GFRA1: variants seen among roughly 807,000 people sequenced by gnomAD.
GFRA1 encodes the protein GDNF family receptor alpha-1.
GFRA1 carries 16 observed loss-of-function variants against 51.6 expected under a neutral mutation model. The observed-to-expected ratio is 0.31, with a 90% CI of 0.21 to 0.47. The LOEUF is 0.47. Among genes scored for constraint, GFRA1 ranks in the 20% least tolerant of loss-of-function variants. The pLI is 1.00. For missense variants in GFRA1, 530 were observed against 594.3 expected (o/e 0.89, Z 1.13); for synonymous variants, 270 against 241.3 (o/e 1.12, Z -1.10).
rs375878951 is a variant in GFRA1, at chr10:116,270,968, G to T, written c.188C>A (p.Ala63Glu). 1 of 1,614,230 alleles carries T rather than the reference G, an allele frequency of 6.2e-7. No individual in the cohort carries two copies. Among genetic ancestry groups the T allele is most frequent in the Non-Finnish European group, 8.5e-7 (1 of 1,180,052 alleles). ...CTCATCCTTGGCCTCCAGGCCGGAT[G>T]CCAGGCTGAAGTTGGTCTCCTTGCC... ...VAGKETNFSLASGLEAKDECR... is the reference protein window; with the variant it reads ...VAGKETNFSLESGLEAKDECR... The change falls in exon 3 of 11, where the codon GCA becomes GAA. Residue 63 changes from alanine to glutamate, a missense_variant. Coordinates refer to ENST00000355422, the MANE Select transcript of GFRA1 (RefSeq NM_005264.8).
At chr10:116,247,052 T>C (rs1383528034) in intron 4 of GFRA1, among the ~76,000 whole-genome samples, 2 of 152,200 alleles carry the variant, frequency 1.3e-5, no homozygotes, top group African/African-American at 4.8e-5. Context: ...TGTTCAGATT[T>C]ACAAAAAGTA....
intron 2 of GFRA1, among the ~76,000 whole-genome samples, chr10:116,271,318 G>C (rs950641096): frequency 6.6e-6 from 1 of 152,092 alleles, no homozygotes; most frequent in Non-Finnish European, 1.5e-5. Context: ...CTCCTCCCGG[G>C]CCCGCAAGGA....
At chr10:116,148,082 G>GTGTGTGTGCATGCA (rs1555158859) in intron 5 of GFRA1, among the ~76,000 whole-genome samples, 5 of 129,372 alleles carry the variant, frequency 3.9e-5, no homozygotes, top group African/African-American at 8.6e-5. Flanking sequence ...GTGCATGTGT[G>GTGTGTGTGCATGCA]TGTGTGCATG....
intron 5 of GFRA1, among the ~76,000 whole-genome samples, chr10:116,151,696 G>C (rs1441850864): frequency 6.6e-6 from 1 of 152,086 alleles, no homozygotes; most frequent in Non-Finnish European, 1.5e-5. Flanking sequence ...GGAAGCAGGA[G>C]GATACGCACC....
intron 5 of GFRA1, among the ~76,000 whole-genome samples, chr10:116,195,307 T>G (rs2134347878): frequency 6.6e-6 from 1 of 152,326 alleles, no homozygotes; most frequent in Middle Eastern, 3.4e-3. Flanking sequence ...GACTGCTAAT[T>G]CTGTGTCCTT....
chr10:116,059,396 T>G lies in GFRA1; in HGVS notation c.*5002A>C, dbSNP rs991971605. On this transcript the variant is annotated 3_prime_UTR_variant, in exon 11 of 11. Transcript: ENST00000355422. ...GAAGAGAAGAAAATCAGAGAAAACC[T>G]TCTATTGATGCCGGTGCTGGGCTTG... 1.3e-5 allele frequency: 2 copies of G among 152,234 alleles called. No homozygotes were observed. The highest frequency in any genetic ancestry group is 4.8e-5 in the African/African-American group (2 of 41,444). 9.4% of individuals were successfully genotyped at this position (152,234 alleles called of 1,614,324 possible). A position where few individuals can be genotyped will look rare whatever the true frequency, so the allele number is the denominator to read the frequency against.
At chr10:116,267,601 G>A (rs1397287914) in intron 4 of GFRA1, among the ~76,000 whole-genome samples, 2 of 152,124 alleles carry the variant, frequency 1.3e-5, no homozygotes, top group Non-Finnish European at 2.9e-5. Context: ...CCAGGCATCA[G>A]TACAAAGGAG....
upstream of GFRA1, among the ~76,000 whole-genome samples, chr10:116,274,622 C>T (rs1844151813): frequency 6.6e-6 from 1 of 152,076 alleles, no homozygotes; most frequent in African/African-American, 2.4e-5. Context: ...GGGTCTGCGC[C>T]TCGGGGCGCG....
chr10:116,169,310 T>G (rs1315444178), intron 5 of GFRA1, among the ~76,000 whole-genome samples: 1 of 152,262 alleles, frequency 6.6e-6, no homozygotes, highest in East Asian at 1.9e-4. Context: ...CCCCAAAAGC[T>G]GATCCTAATC....
At position 116,260,933 on chromosome 10, in the gene GFRA1, CA is replaced by C. The variant is rs571945367; in HGVS notation, c.418+8569del. ...TTAAAAAAAATCTGAGGGCTTAACG[CA>C]ACAAATAATTTCTCACTTTTCCTTA... On this transcript the variant is annotated intron_variant, in intron 4 of 10. Transcript: ENST00000355422. 1.3e-4 allele frequency among the ~76,000 whole-genome samples: 20 copies of C among 152,184 alleles called. No individual in the cohort carries two copies. The East Asian group carries it at 3.7e-3, about 28-fold the overall frequency.
chr10:116,123,600 C>T (rs1957732800), intron 6 of GFRA1, among the ~76,000 whole-genome samples: 2 of 152,112 alleles, frequency 1.3e-5, no homozygotes, highest in African/African-American at 4.8e-5. Context: ...ATTTTTTCTG[C>T]TCTTGGCTTT....
At chr10:116,185,074 G>T (rs529767982) in intron 5 of GFRA1, among the ~76,000 whole-genome samples, 1 of 152,258 alleles carries the variant, frequency 6.6e-6, no homozygotes, top group South Asian at 2.1e-4. Flanking sequence ...TGTAAGGAGA[G>T]AATCTTGTTC....
chr10:116,158,079 C>T (rs1428313953), intron 5 of GFRA1, among the ~76,000 whole-genome samples: 1 of 152,164 alleles, frequency 6.6e-6, no homozygotes, highest in Non-Finnish European at 1.5e-5. Flanking sequence ...GCTTGTCATT[C>T]CTACTTCCTC....
At chr10:116,182,653 C>G (rs1415314267) in intron 5 of GFRA1, among the ~76,000 whole-genome samples, 1 of 152,240 alleles carries the variant, frequency 6.6e-6, no homozygotes, top group Non-Finnish European at 1.5e-5. Flanking sequence ...AAACTGCCAT[C>G]TGCTTCATGT....
At chr10:116,177,580 G>C (rs993822102) in intron 5 of GFRA1, among the ~76,000 whole-genome samples, 8 of 152,134 alleles carry the variant, frequency 5.3e-5, no homozygotes, top group African/African-American at 1.7e-4. Flanking sequence ...CCTGGGAGCA[G>C]ATGAGAGTAT....
At chr10:116,250,429 T>C (rs182645093) in intron 4 of GFRA1, among the ~76,000 whole-genome samples, 86 of 152,334 alleles carry the variant, frequency 5.6e-4, no homozygotes, top group Middle Eastern at 3.4e-3. Context: ...GATGATGAAC[T>C]TGGTGATCAC....
At chr10:116,270,799 G>A (rs1843851481) in intron 3 of GFRA1, 23 bp downstream of exon 3, 1 of 1,599,230 alleles carries the variant, frequency 6.3e-7, no homozygotes, top group Non-Finnish European at 8.5e-7. Context: ...ACACGGGGTG[G>A]GGTGGGGAGG....
At chr10:116,102,513 C>T (rs958876387) in intron 6 of GFRA1, among the ~76,000 whole-genome samples, 5 of 152,158 alleles carry the variant, frequency 3.3e-5, no homozygotes, top group African/African-American at 1.2e-4. Flanking sequence ...AAAAGACATA[C>T]CTGAGACTGG....
chr10:116,232,562 G>C (rs1399310967), intron 4 of GFRA1, among the ~76,000 whole-genome samples: 1 of 151,454 alleles, frequency 6.6e-6, no homozygotes, highest in Non-Finnish European at 1.5e-5. Flanking sequence ...GTCTAATTTT[G>C]TAACAAATCA....
Sources: allele counts gnomAD v4.1 joint callset (sites outside exome capture counted in the v4.1 genomes callset), GRCh38; gene constraint gnomAD v4.1.1; transcripts MANE v1.5; gene names NCBI Gene and HGNC (gene_info 2026-07-23, HGNC 2026-07-21).